SRRM4: variants seen among roughly 807,000 people sequenced by gnomAD.
SRRM4 encodes the protein serine/arginine repetitive matrix protein 4.
Under a neutral mutation model 68.9 loss-of-function variants are expected in SRRM4, and 33 were observed. The observed-to-expected ratio is 0.48, with a 90% CI of 0.36 to 0.64. The LOEUF (loss-of-function observed/expected upper bound fraction) is 0.64, where lower values mean the gene tolerates loss of function less well. SRRM4 is among the 30% of genes least tolerant of loss of function. The probability of loss-of-function intolerance (pLI) is 0.00; values close to 1 mark genes in which losing one functional copy is unlikely to be tolerated. For synonymous variants in SRRM4, 318 were observed against 318.8 expected, an observed-to-expected ratio of 1.00 and a Z score of 0.03; for missense variants, 817 against 827.1, an observed-to-expected ratio of 0.99 and a Z score of 0.15.
chr12:119,068,116 A>G (rs1020008865), intron 1 of SRRM4, among the ~76,000 whole-genome samples: 9 of 152,218 alleles, frequency 5.9e-5, no homozygotes, highest in Admixed American at 5.9e-4. Flanking sequence ...CTTCAGATTC[A>G]GACTGAGAAT....
At chr12:119,097,731 A>G (rs1355373901) in intron 1 of SRRM4, among the ~76,000 whole-genome samples, 2 of 152,166 alleles carry the variant, frequency 1.3e-5, no homozygotes, top group African/African-American at 2.4e-5. Context: ...GTTGCTGACA[A>G]TGATGGATGA....
chr12:119,094,883 G>A (rs555713335), intron 1 of SRRM4, among the ~76,000 whole-genome samples: 106 of 152,330 alleles, frequency 7.0e-4, no homozygotes, highest in Admixed American at 1.6e-3. Flanking sequence ...TACTAAGTAG[G>A]TGTTCAGTAA....
At chr12:119,042,947 T>G (rs888057163) in intron 1 of SRRM4, among the ~76,000 whole-genome samples, 7 of 151,722 alleles carry the variant, frequency 4.6e-5, no homozygotes, top group African/African-American at 1.7e-4. Context: ...TTGGTGGGAG[T>G]GTAAATTAGT....
intron 1 of SRRM4, among the ~76,000 whole-genome samples, chr12:119,033,557 C>T (rs892306036): frequency 5.2e-4 from 79 of 151,802 alleles, no homozygotes; most frequent in African/African-American, 1.5e-3. Context: ...CCAGCTACTC[C>T]GGAGGCTGAG....
intron 1 of SRRM4, among the ~76,000 whole-genome samples, chr12:119,023,787 A>C (rs11616189): frequency 0.26 from 40,168 of 152,110 alleles, 6,099 homozygotes; most frequent in Middle Eastern, 0.46. Flanking sequence ...TTCCTGCCTC[A>C]ATGAGCCCTT....
intron 1 of SRRM4, among the ~76,000 whole-genome samples, chr12:118,988,915 G>C (rs1362858511): frequency 1.3e-5 from 2 of 152,192 alleles, no homozygotes. Context: ...GAGGATAAGT[G>C]AGAGAAAAGT....
intron 1 of SRRM4, among the ~76,000 whole-genome samples, chr12:119,078,600 C>T (rs1368326219): frequency 1.3e-5 from 2 of 152,170 alleles, no homozygotes; most frequent in Non-Finnish European, 2.9e-5. Context: ...TCCAGTATCA[C>T]TGGCAAATCT....
intron 1 of SRRM4, among the ~76,000 whole-genome samples, chr12:119,061,457 A>G (rs1953811952): frequency 6.6e-6 from 1 of 152,172 alleles, no homozygotes; most frequent in South Asian, 2.1e-4. Flanking sequence ...GAATCCAACC[A>G]TGAAAGCACT....
chr12:119,056,157 G>A (rs562684098), intron 1 of SRRM4, among the ~76,000 whole-genome samples: 1 of 152,244 alleles, frequency 6.6e-6, no homozygotes, highest in African/African-American at 2.4e-5. Context: ...GTACATCCTG[G>A]CTCCAAAACA....
chr12:119,051,771 C>T (rs1953744244), intron 1 of SRRM4, among the ~76,000 whole-genome samples: 1 of 152,176 alleles, frequency 6.6e-6, no homozygotes, highest in South Asian at 2.1e-4. Flanking sequence ...ATCCCCACTC[C>T]ATCTTAGAGG....
chr12:119,016,013 G>C (rs1953478845), intron 1 of SRRM4, among the ~76,000 whole-genome samples: 1 of 151,934 alleles, frequency 6.6e-6, no homozygotes, highest in Non-Finnish European at 1.5e-5. Context: ...TTAAGATGAG[G>C]TCACACAAGA....
At chr12:119,085,806 G>A (rs1953976438) in intron 1 of SRRM4, among the ~76,000 whole-genome samples, 1 of 152,164 alleles carries the variant, frequency 6.6e-6, no homozygotes, top group Non-Finnish European at 1.5e-5. Context: ...AGGTGGCAAT[G>A]GAGATGGAGG....
intron 1 of SRRM4, among the ~76,000 whole-genome samples, chr12:119,059,639 G>A (rs1179552653): frequency 6.6e-6 from 1 of 152,134 alleles, no homozygotes; most frequent in African/African-American, 2.4e-5. Flanking sequence ...TGGGGAGGTG[G>A]AAAGGGATTC....
intron 1 of SRRM4, among the ~76,000 whole-genome samples, chr12:118,982,680 T>A (rs571022777): frequency 8.1e-6 from 1 of 123,778 alleles, no homozygotes; most frequent in East Asian, 2.2e-4. Flanking sequence ...TTTTTTTTTG[T>A]TTTTTTTTTT....
At chr12:119,013,527 C>A (rs1345725420) in intron 1 of SRRM4, among the ~76,000 whole-genome samples, 2 of 152,180 alleles carry the variant, frequency 1.3e-5, no homozygotes, top group Non-Finnish European at 2.9e-5. Flanking sequence ...TTCTTTTAGA[C>A]ACAACTACTA....
intron 1 of SRRM4, among the ~76,000 whole-genome samples, chr12:119,004,166 T>C (rs770975502): frequency 6.6e-6 from 1 of 151,970 alleles, no homozygotes; most frequent in African/African-American, 2.4e-5. Flanking sequence ...GCCTCCAAAA[T>C]TGTGTAAGCT....
chr12:119,058,847 C>T (rs557953627), intron 1 of SRRM4, among the ~76,000 whole-genome samples: 1 of 152,156 alleles, frequency 6.6e-6, no homozygotes, highest in African/African-American at 2.4e-5. Flanking sequence ...CCCTCTAAGG[C>T]TTCCCCTGCC....
chr12:119,116,210 C>A (rs946691606), intron 3 of SRRM4, among the ~76,000 whole-genome samples: 12 of 152,176 alleles, frequency 7.9e-5, no homozygotes, highest in East Asian at 7.7e-4. Flanking sequence ...TAGAGATGAG[C>A]CTTGACATGC....
chr12:119,130,886 A>T (rs4298970), intron 8 of SRRM4, 52 bp downstream of exon 8: 7 of 1,559,932 alleles, frequency 4.5e-6, no homozygotes, highest in Non-Finnish European at 6.0e-6. Context: ...ACACTTGGGG[A>T]ATGTGGAGGC....
Sources: allele counts gnomAD v4.1 joint callset (sites outside exome capture counted in the v4.1 genomes callset), GRCh38; gene constraint gnomAD v4.1.1; transcripts MANE v1.5; gene names NCBI Gene and HGNC (gene_info 2026-07-23, HGNC 2026-07-21).